The following CADPS variants were observed in gnomAD, a reference collection of about 807,000 sequenced individuals.
The protein encoded by CADPS is calcium dependent secretion activator.
In CADPS, 57 loss-of-function variants were observed where a neutral mutation model predicts 167.3. The ratio of observed to expected loss-of-function variants is 0.34; its 90% CI spans 0.28 to 0.42. CADPS has a LOEUF of 0.42. Among genes scored for constraint, CADPS ranks in the 20% least tolerant of loss-of-function variants. CADPS has a pLI of 1.00. For missense variants in CADPS, 1,414 were observed against 1,738.1 expected (o/e 0.81, Z 3.32); for synonymous variants, 676 against 635.3 (o/e 1.06, Z -0.96).
chr3:62,524,339 T>A (rs1006148108), intron 13 of CADPS, among the ~76,000 whole-genome samples: 1 of 152,182 alleles, frequency 6.6e-6, no homozygotes, highest in Non-Finnish European at 1.5e-5. Flanking sequence ...ACTGCTTCAT[T>A]ATGAAAGCCA....
intron 5 of CADPS, among the ~76,000 whole-genome samples, chr3:62,646,741 G>C (rs1331975979): frequency 6.6e-6 from 1 of 152,168 alleles, no homozygotes; most frequent in Non-Finnish European, 1.5e-5. Flanking sequence ...AGAGTTACCA[G>C]ATACTCCAAT....
chr3:62,503,189 T>C (rs896882793), intron 17 of CADPS, among the ~76,000 whole-genome samples: 2 of 152,288 alleles, frequency 1.3e-5, no homozygotes, highest in South Asian at 4.1e-4. Flanking sequence ...GAAGAACACC[T>C]ATACATTAAT....
In CADPS at chr3:62,841,187, G is replaced by A. The variant is rs138022756; in HGVS notation, c.441+33402C>T. ...AATCCATTGTTAGACACCAACCAGA[G>A]CTAGAAATGTTGAGAGAAAAATTAC... On this transcript the variant is annotated intron_variant, in intron 1 of 29. Coordinates refer to ENST00000383710, the MANE Select transcript of CADPS (RefSeq NM_003716.4). Among the ~76,000 whole-genome samples the A allele has an allele frequency of 4.7e-4, 71 of 152,260 alleles. 1 individual carries two copies. In the East Asian group the frequency reaches 0.013, roughly 28 times the overall value.
intron 3 of CADPS, among the ~76,000 whole-genome samples, chr3:62,697,984 T>C (rs890799405): frequency 2.0e-5 from 3 of 152,070 alleles, no homozygotes; most frequent in Admixed American, 2.0e-4. Flanking sequence ...CCTTGTAGAT[T>C]CTGGATATTA....
At chr3:62,564,215 A>G (rs2079702068) in intron 9 of CADPS, among the ~76,000 whole-genome samples, 1 of 151,952 alleles carries the variant, frequency 6.6e-6, no homozygotes, top group Non-Finnish European at 1.5e-5. Flanking sequence ...GTTAGCCAGG[A>G]TGGTCTAGAT....
At chr3:62,550,902 G>A (rs1034920138) in intron 10 of CADPS, 2 of 456,540 alleles carry the variant, frequency 4.4e-6, no homozygotes, top group Non-Finnish European at 8.8e-6. Context: ...TTAGCTTTCA[G>A]GAGGAAACCC....
At chr3:62,851,447 G>A (rs1177818657) in intron 1 of CADPS, among the ~76,000 whole-genome samples, 2 of 148,298 alleles carry the variant, frequency 1.3e-5, no homozygotes, top group Non-Finnish European at 3.0e-5. Context: ...GCTTCCTTCA[G>A]GAGCTCTTTT....
At chr3:62,541,665 T>C (rs1400673842) in intron 11 of CADPS, among the ~76,000 whole-genome samples, 1 of 152,204 alleles carries the variant, frequency 6.6e-6, no homozygotes, top group African/African-American at 2.4e-5. Context: ...ATGTGGGTTT[T>C]ATACTCTCAT....
At chr3:62,494,901 G>T (rs886492566) in intron 18 of CADPS, among the ~76,000 whole-genome samples, 4 of 151,798 alleles carry the variant, frequency 2.6e-5, no homozygotes, top group Non-Finnish European at 5.9e-5. Flanking sequence ...GGCCTCAGCT[G>T]GTCCACCTGC....
At chr3:62,470,402 C>T (rs1488873433) in intron 24 of CADPS, among the ~76,000 whole-genome samples, 1 of 152,206 alleles carries the variant, frequency 6.6e-6, no homozygotes, top group Non-Finnish European at 1.5e-5. Flanking sequence ...ATTCTTATCC[C>T]AGTTCCAGGA....
chr3:62,751,477 C>T (rs536965244), intron 3 of CADPS, among the ~76,000 whole-genome samples: 4 of 151,920 alleles, frequency 2.6e-5, no homozygotes, highest in East Asian at 2.0e-4. Context: ...GATGGAGTCT[C>T]GTTCTGTTGC....
intron 3 of CADPS, among the ~76,000 whole-genome samples, chr3:62,671,149 AAAG>A (rs1171937795): frequency 6.6e-6 from 1 of 152,320 alleles, no homozygotes; most frequent in East Asian, 1.9e-4. Flanking sequence ...TATGAAAACG[AAAG>A]AAGATGGTAC....
intron 5 of CADPS, among the ~76,000 whole-genome samples, chr3:62,648,691 CA>C (rs55665003): frequency 3.7e-4 from 20 of 54,550 alleles, no homozygotes; most frequent in South Asian, 1.4e-3. Flanking sequence ...GACGTTGTGT[CA>C]AAAAAAAAAA....
At chr3:62,728,890 C>T (rs1420483754) in intron 3 of CADPS, among the ~76,000 whole-genome samples, 1 of 151,800 alleles carries the variant, frequency 6.6e-6, no homozygotes, top group Non-Finnish European at 1.5e-5. Context: ...TGGATAACTG[C>T]TTGCAATTTG....
rs922116522 is a variant in CADPS at position 62,844,331 on chromosome 3, T to G, written c.441+30258A>C. On this transcript the variant is annotated intron_variant, in intron 1 of 29. Coordinates refer to ENST00000383710, the MANE Select transcript of CADPS (RefSeq NM_003716.4). ...ATGGGAAACAGTAAAACCATCTGGTTGAGAACAAGAATTCAGGCTGGAATA... is the reference window on the plus strand; with the variant it reads ...ATGGGAAACAGTAAAACCATCTGGTGGAGAACAAGAATTCAGGCTGGAATA... 2.0e-5 allele frequency among the ~76,000 whole-genome samples: 3 copies of G among 152,310 alleles called. No homozygotes were observed. In the East Asian group the frequency reaches 5.8e-4, roughly 29 times the overall value.
intron 17 of CADPS, among the ~76,000 whole-genome samples, chr3:62,512,476 G>T (rs2068060650): frequency 6.6e-6 from 1 of 152,106 alleles, no homozygotes; most frequent in African/African-American, 2.4e-5. Context: ...CAAATCACTG[G>T]AATCCTATAA....
chr3:62,711,147 A>G (rs111541311), intron 3 of CADPS, among the ~76,000 whole-genome samples: 1 of 152,228 alleles, frequency 6.6e-6, no homozygotes, highest in Non-Finnish European at 1.5e-5. Context: ...AAAATATATG[A>G]TATTATAAAG....
At chr3:62,752,727 A>T (rs918900737) in intron 3 of CADPS, among the ~76,000 whole-genome samples, 3 of 152,246 alleles carry the variant, frequency 2.0e-5, no homozygotes, top group Non-Finnish European at 2.9e-5. Flanking sequence ...TAGGGCTAGC[A>T]GCTGGGAATG....
intron 28 of CADPS, among the ~76,000 whole-genome samples, chr3:62,432,035 CCCT>C (rs954736522): frequency 2.0e-5 from 3 of 151,940 alleles, no homozygotes; most frequent in Non-Finnish European, 2.9e-5. Flanking sequence ...ATTACTCCCT[CCCT>C]CTCTCTGCCC....
Sources: gnomAD v4.1 joint callset for allele counts (sites outside exome capture counted in the v4.1 genomes callset) on GRCh38, gnomAD v4.1.1 for gene constraint, MANE v1.5 for transcripts, NCBI Gene and HGNC (gene_info 2026-07-23, HGNC 2026-07-21) for gene names.